Variants in NXN observed in about 807,000 individuals in gnomAD.
The protein encoded by NXN is nucleoredoxin 1.
A neutral mutation model predicts 48.6 loss-of-function variants in NXN; 16 were observed. The observed-to-expected ratio is 0.33, with a 90% CI of 0.22 to 0.50. NXN has a LOEUF of 0.50. NXN is among the 20% of genes least tolerant of loss of function. The pLI is 0.98. For synonymous variants in NXN, 281 were observed against 269.6 expected (o/e 1.04, Z -0.41); for missense variants, 492 against 605.5 (o/e 0.81, Z 1.97).
chr17:805,993 T>A (rs963956070), intron 5 of NXN, among the ~76,000 whole-genome samples: 1 of 152,088 alleles, frequency 6.6e-6, no homozygotes, highest in African/African-American at 2.4e-5. Flanking sequence ...GCGGACTTGC[T>A]GTGGCCACCG....
At chr17:947,296 G>A (rs1158964759) in intron 1 of NXN, among the ~76,000 whole-genome samples, 1 of 152,190 alleles carries the variant, frequency 6.6e-6, no homozygotes, top group African/African-American at 2.4e-5. Flanking sequence ...GTATGTGAAT[G>A]AGGCTAAAAG....
chr17:931,652 C>A (rs908168977), intron 1 of NXN, among the ~76,000 whole-genome samples: 1 of 147,898 alleles, frequency 6.8e-6, no homozygotes, highest in African/African-American at 2.5e-5. Flanking sequence ...CCGGCTAACA[C>A]AGTGAAACCC....
Position 978,568 on chromosome 17 carries a change from G to A in NXN, c.360+751C>T, listed in dbSNP as rs901034428. On this transcript the variant is annotated intron_variant, in intron 1 of 7. Coordinates refer to ENST00000336868, the MANE Select transcript of NXN (RefSeq NM_022463.5). This position sits in a 1 kb window ranked among gnomAD's most constrained non-coding sequence, Gnocchi z 4.1. Reference sequence around the variant, plus strand: ...CCCGGGCTGTTCCCGCGCCCGGGAGGCGTCTGGGGAGGAGGCTGGACGGCC... The same window carrying A: ...CCCGGGCTGTTCCCGCGCCCGGGAGACGTCTGGGGAGGAGGCTGGACGGCC... 5 of 152,422 alleles carry A rather than the reference G, an allele frequency of 3.3e-5. No homozygotes were observed. Among genetic ancestry groups the A allele is most frequent in the African/African-American group, 1.2e-4 (5 of 41,478 alleles). 9.4% of individuals were successfully genotyped at this position (152,422 alleles called of 1,614,324 possible).
intron 1 of NXN, among the ~76,000 whole-genome samples, chr17:946,012 G>C (rs1355286020): frequency 6.6e-6 from 1 of 152,188 alleles, no homozygotes; most frequent in African/African-American, 2.4e-5. Flanking sequence ...GGCTGCCAGA[G>C]ACCCTCCCTG....
At chr17:976,955 G>A (rs2586276) in intron 1 of NXN, among the ~76,000 whole-genome samples, 26,098 of 151,878 alleles carry the variant, frequency 0.17, 3,782 homozygotes, top group African/African-American at 0.4. Context: ...TAGTAGAGAC[G>A]GGGTTTCTCC....
intron 1 of NXN, among the ~76,000 whole-genome samples, chr17:931,611 C>T (rs1479042158): frequency 3.8e-5 from 5 of 131,474 alleles, no homozygotes; most frequent in Admixed American, 2.3e-4. Flanking sequence ...CCGAGGTGGG[C>T]GGATCGTGAG....
intron 1 of NXN, among the ~76,000 whole-genome samples, chr17:893,344 G>C (rs978531174): frequency 9.2e-5 from 14 of 152,252 alleles, no homozygotes; most frequent in Admixed American, 9.2e-4. Context: ...ACCCTAGGCA[G>C]AGGCTGGAGA....
At chr17:863,074 C>T (rs768795885) in intron 1 of NXN, among the ~76,000 whole-genome samples, 3 of 152,098 alleles carry the variant, frequency 2.0e-5, no homozygotes, top group Non-Finnish European at 4.4e-5. Context: ...TTCCAAAATC[C>T]GCATATACTG....
intron 1 of NXN, among the ~76,000 whole-genome samples, chr17:844,647 C>T (rs902833650): frequency 1.3e-5 from 2 of 151,798 alleles, no homozygotes; most frequent in African/African-American, 4.8e-5. Flanking sequence ...TGCAGTGGTG[C>T]GATCTTGGCT....
intron 1 of NXN, among the ~76,000 whole-genome samples, chr17:943,267 G>A (rs1014112149): frequency 1.3e-5 from 2 of 152,060 alleles, no homozygotes; most frequent in Non-Finnish European, 1.5e-5. Context: ...GTTACCCAGC[G>A]AACCACCGAC....
In NXN at chr17:932,497, G is replaced by A. The variant is rs2068865182; in HGVS notation, c.360+46822C>T. Among the ~76,000 whole-genome samples the A allele has an allele frequency of 1.3e-5, 2 of 152,204 alleles. No individual in the cohort carries two copies. The highest frequency in any genetic ancestry group is 2.9e-5 in the Non-Finnish European group (2 of 68,044). On this transcript the variant is annotated intron_variant, in intron 1 of 7. Transcript: ENST00000336868. The surrounding 1 kb of genome is among the most constrained non-coding windows in gnomAD (Gnocchi z 4.1). ...AAACAAAACTCTGAGGCGGCGTTGG[G>A]TCCAGTCGTCGTCTCCTCAGCGAGT... is the stretch of plus-strand genomic sequence containing the variant.
At chr17:955,665 G>C (rs529278240) in intron 1 of NXN, among the ~76,000 whole-genome samples, 1 of 149,966 alleles carries the variant, frequency 6.7e-6, no homozygotes, top group Non-Finnish European at 1.5e-5. Flanking sequence ...GGGAGGCCGA[G>C]GCGGGCGGAT....
chr17:955,650 A>G (rs1435209144), intron 1 of NXN, among the ~76,000 whole-genome samples: 1 of 148,346 alleles, frequency 6.7e-6, no homozygotes, highest in Non-Finnish European at 1.5e-5. Flanking sequence ...TAATCCCAGC[A>G]CCTCGGGAGG....
chr17:873,544 A>C lies in NXN; in HGVS notation c.361-47466T>G, dbSNP rs114381190. Among the ~76,000 whole-genome samples the C allele has an allele frequency of 6.6e-3, 1,000 of 150,770 alleles. 12 individuals are homozygous for C. The highest frequency in any genetic ancestry group is 0.023 in the African/African-American group (949 of 40,898). On this transcript the variant is annotated intron_variant, in intron 1 of 7. Transcript: ENST00000336868. ...CGTCTCCTTCTGTACTTCTGTACTT[A>C]TATTTTGCTAGTCACAGAGAGACCT... is the stretch of plus-strand genomic sequence containing the variant.
rs1445779366 is a variant in NXN at position 849,152 on chromosome 17, CATG to C, written c.361-23077_361-23075del. 2.0e-5 allele frequency among the ~76,000 whole-genome samples: 3 copies of C among 151,998 alleles called. No individual in the cohort carries two copies. The highest frequency in any genetic ancestry group is 2.9e-5 in the Non-Finnish European group (2 of 67,998). ...CACCCTTTGTTCCACGGCAGGCAAT[CATG>C]GTGGGTGTGCACGCTTGATCTAAGA... On this transcript the variant is annotated intron_variant, in intron 1 of 7. Coordinates refer to ENST00000336868, the MANE Select transcript of NXN (RefSeq NM_022463.5). The surrounding 1 kb of genome is among the most constrained non-coding windows in gnomAD (Gnocchi z 4.2).
At position 969,733 on chromosome 17, in the gene NXN, C is replaced by T. The variant is rs1446695400; in HGVS notation, c.360+9586G>A. Among the ~76,000 whole-genome samples, 3 of 152,066 alleles carry T rather than the reference C, an allele frequency of 2.0e-5. No homozygotes were observed. In the East Asian group the frequency reaches 5.8e-4, roughly 29 times the overall value. ...CTTCTGATTTTAAACAGATTAAATC[C>T]ATCCAGATTTTTATCCCAGGCATAT... is the stretch of plus-strand genomic sequence containing the variant. On this transcript the variant is annotated intron_variant, in intron 1 of 7. Coordinates refer to ENST00000336868, the MANE Select transcript of NXN (RefSeq NM_022463.5).
At chr17:950,927 C>G (rs1485395300) in intron 1 of NXN, among the ~76,000 whole-genome samples, 1 of 93,858 alleles carries the variant, frequency 1.1e-5, no homozygotes, top group African/African-American at 5.1e-5. Context: ...ACTTTAGGAG[C>G]TACTGCTGTC....
Position 801,522 on chromosome 17 carries a change from T to C in NXN, c.1126-391A>G, listed in dbSNP as rs576414529. Among the ~76,000 whole-genome samples the C allele has an allele frequency of 1.4e-3, 200 of 141,038 alleles. 3 individuals carry two copies. Among genetic ancestry groups the C allele is most frequent in the African/African-American group, 4.9e-3 (189 of 38,378 alleles). The allele number at this position is 141,038 out of a possible 152,430, so 92.5% of individuals were successfully genotyped here. A position where few individuals can be genotyped will look rare whatever the true frequency, so the allele number is the denominator to read the frequency against. ...GTGCAGTGGCACGATCTCGGCTCAC[T>C]GCAAGCTCCACCTCCCGGGTTTAAG... On this transcript the variant is annotated intron_variant, in intron 7 of 7. Coordinates refer to ENST00000336868, the MANE Select transcript of NXN (RefSeq NM_022463.5).
intron 1 of NXN, among the ~76,000 whole-genome samples, chr17:833,186 C>T (rs567974046): frequency 9.2e-5 from 14 of 152,124 alleles, no homozygotes; most frequent in African/African-American, 2.4e-4. Context: ...CCACCGCACC[C>T]GGCCGAAAAG....
Sources: allele counts gnomAD v4.1 joint callset (sites outside exome capture counted in the v4.1 genomes callset), GRCh38; gene constraint gnomAD v4.1.1; non-coding constraint Gnocchi (gnomAD v3.1); transcripts MANE v1.5; gene names NCBI Gene and HGNC (gene_info 2026-07-23, HGNC 2026-07-21).